The following ANO7 variants were observed in gnomAD, a reference collection of about 807,000 sequenced individuals.
ANO7 encodes the protein anoctamin-7.
Under a neutral mutation model 115.8 loss-of-function variants are expected in ANO7, and 114 were observed. That is an observed-to-expected ratio of 0.98 (90% CI 0.85 to 1.15). The LOEUF is 1.15. Ranked by LOEUF, ANO7 falls within the 50% of genes most tolerant of loss-of-function variation. The probability of loss-of-function intolerance (pLI) is 0.00; values close to 1 mark genes in which losing one functional copy is unlikely to be tolerated. For missense variants in ANO7, 1,302 were observed against 1,201.2 expected (o/e 1.08, Z -1.24); for synonymous variants, 550 against 498.2 (o/e 1.10, Z -1.38).
Position 241,190,160 on chromosome 2 carries a change from C to G in ANO7, c.97C>G (p.His33Asp), listed in dbSNP as rs370288925. Reference protein sequence around the residue: ...EKRGSYGSTAHASEPGGQQAA... With the variant: ...EKRGSYGSTADASEPGGQQAA... Reference sequence around the variant, plus strand: ...GAGGGGCTCTTACGGGAGCACAGCCCACGCCTCGGAGGTAACAGCACCCAG... The same window carrying G: ...GAGGGGCTCTTACGGGAGCACAGCCGACGCCTCGGAGGTAACAGCACCCAG... Residue 33 changes from histidine (H) to aspartate (D), a missense_variant, in exon 2 of 25, where the codon CAC becomes GAC. Coordinates refer to ENST00000674324, the MANE Select transcript of ANO7 (RefSeq NM_001370694.2). 1.3e-6 allele frequency: 2 copies of G among 1,563,222 alleles called. No homozygotes were observed. The highest frequency in any genetic ancestry group is 2.7e-5 in the African/African-American group (2 of 73,888).
At chr2:241,214,986 C>A in intron 18 of ANO7, 84 bp downstream of exon 18, 1 of 1,282,716 alleles carries the variant, frequency 7.8e-7, no homozygotes. Flanking sequence ...CAGCCCGGCC[C>A]TAGCTGGGAG....
Position 241,203,561 on chromosome 2 carries a change from C to G in ANO7, c.889+63C>G. 1 of 1,281,580 alleles carries G rather than the reference C, an allele frequency of 7.8e-7. No individual in the cohort carries two copies. Among genetic ancestry groups the G allele is most frequent in the African/African-American group, 1.6e-5 (1 of 64,256 alleles). 79.4% of individuals were successfully genotyped at this position (1,281,580 alleles called of 1,614,324 possible). ...CCCCCAGCTTGGTGTCAGGTTGTAA[C>G]AATTTGCCAGTCCGTACCCCTGGAG... On this transcript the variant is annotated intron_variant, in intron 9 of 24. Coordinates refer to ENST00000674324, the MANE Select transcript of ANO7 (RefSeq NM_001370694.2). This position sits in a 1 kb window ranked among gnomAD's most constrained non-coding sequence, Gnocchi z 4.8.
intron 17 of ANO7, among the ~76,000 whole-genome samples, chr2:241,214,105 T>C (rs1325112731): frequency 6.6e-6 from 1 of 152,028 alleles, no homozygotes; most frequent in African/African-American, 2.4e-5. Context: ...GCCAATATGG[T>C]GAAATCCCGT....
At position 241,209,626 on chromosome 2, in the gene ANO7, CGTG is replaced by C. The variant is rs750012208; in HGVS notation, c.1354_1356del (p.Val452del). On this transcript the variant is annotated inframe_deletion, in exon 13 of 25. Transcript: ENST00000674324. ...GCATGCTGGCCGGCTCTGTGGTGATCGTGGTGATGGTATGCGGTCCCCCTGCCC... is the reference window on the plus strand; with the variant it reads ...GCATGCTGGCCGGCTCTGTGGTGATCGTGATGGTATGCGGTCCCCCTGCCC... The C allele has an allele frequency of 1.3e-6, 2 of 1,562,998 alleles. No homozygotes were observed. The highest frequency in any genetic ancestry group is 2.4e-5 in the South Asian group (2 of 83,588).
At chr2:241,214,998 A>T (rs2068793643) in intron 18 of ANO7, 96 bp downstream of exon 18, 1 of 1,181,762 alleles carries the variant, frequency 8.5e-7, no homozygotes, top group Admixed American at 2.2e-5. Context: ...AGCTGGGAGA[A>T]GAGGTGAAGG....
In ANO7 at chr2:241,191,214, C is replaced by G. The variant is rs369964361; in HGVS notation, c.129C>G (p.Ala43=). The G allele has an allele frequency of 4.3e-6, 7 of 1,613,730 alleles. No individual in the cohort carries two copies. The highest frequency in any genetic ancestry group is 1.6e-4 in the Middle Eastern group (1 of 6,084). Residue 43 remains alanine (A), a synonymous_variant, in exon 3 of 25, where the codon GCC becomes GCG. Coordinates refer to ENST00000674324, the MANE Select transcript of ANO7 (RefSeq NM_001370694.2). ...HASEPGGQQA[A]ACRAGSPAKP... ...TCCAGCCAGGTGGACAGCAAGCGGCCGCCTGCAGAGCTGGGAGTCCTGCCA... is the reference window on the plus strand; with the variant it reads ...TCCAGCCAGGTGGACAGCAAGCGGCGGCCTGCAGAGCTGGGAGTCCTGCCA...
In ANO7 at chr2:241,216,169, C is replaced by A. The variant is rs766312615; in HGVS notation, c.1903C>A (p.Gln635Lys). Residue 635 changes from glutamine to lysine, a missense_variant, in exon 19 of 25, where the codon CAG becomes AAG. By Grantham distance (53) the Gln-to-Lys change is moderately conservative. Coordinates refer to ENST00000674324, the MANE Select transcript of ANO7 (RefSeq NM_001370694.2). The part of the protein sequence containing the change: ...RKAGASAGAS[Q>K]GPWEDDYELV... ...GGCGGGAGCTTCTGCAGGGGCTAGCCAGGGGCCCTGGGAGGACGACTATGA... is the reference window on the plus strand; with the variant it reads ...GGCGGGAGCTTCTGCAGGGGCTAGCAAGGGGCCCTGGGAGGACGACTATGA... 5 of 1,613,292 alleles carry A rather than the reference C, an allele frequency of 3.1e-6. No individual in the cohort carries two copies. Among genetic ancestry groups the A allele is most frequent in the Admixed American group, 1.7e-5 (1 of 59,976 alleles).
intron 21 of ANO7, 120 bp from the exon 22 acceptor site, chr2:241,223,066 C>T (rs1384827774): frequency 9.1e-6 from 8 of 875,794 alleles, no homozygotes; most frequent in South Asian, 6.2e-5. Flanking sequence ...AGAGCCAGGC[C>T]AGGAACATGG....
Position 241,210,551 on chromosome 2 carries a change from C to T in ANO7, c.1542C>T (p.Ala514=), listed in dbSNP as rs748537196. Residue 514 remains alanine, a synonymous_variant, in exon 15 of 25, where the codon GCC becomes GCT. Transcript: ENST00000674324. ...LILSKIYVSL[A]HVLTRWEMHR... ...TCTCCAAGATCTATGTATCCCTGGC[C>T]CACGTCCTGACACGATGGGGTGAGT... The T allele has an allele frequency of 6.2e-7, 1 of 1,613,854 alleles. No individual in the cohort carries two copies. Among genetic ancestry groups the T allele is most frequent in the Non-Finnish European group, 8.5e-7 (1 of 1,179,992 alleles).
chr2:241,208,573 G>A (rs2149208567), intron 11 of ANO7, among the ~76,000 whole-genome samples: 1 of 152,252 alleles, frequency 6.6e-6, no homozygotes, highest in East Asian at 1.9e-4. Context: ...ACATTCTGAG[G>A]TTCCCAACGA....
chr2:241,239,458 C>T, the ANO7 span: 21 of 633,362 alleles, frequency 3.3e-5, no homozygotes, highest in African/African-American at 1.7e-4. This position sits in a 1 kb window ranked among gnomAD's most constrained non-coding sequence, Gnocchi z 4.6. Flanking sequence ...GAAAGAAGAG[C>T]GAGCACCAGA....
At chr2:241,215,014 C>G in intron 18 of ANO7, 112 bp downstream of exon 18, 1 of 1,012,678 alleles carries the variant, frequency 9.9e-7, no homozygotes, top group Admixed American at 2.5e-5. Context: ...GAAGGGAAGG[C>G]ACCTTGCCTG....
the ANO7 span, chr2:241,235,058 C>T: frequency 6.3e-7 from 1 of 1,581,604 alleles, no homozygotes; most frequent in Non-Finnish European, 8.6e-7. Context: ...TCCCTAGATT[C>T]TGACATGTGC....
At position 241,203,464 on chromosome 2, in the gene ANO7, C is replaced by A. The variant is rs138851563; in HGVS notation, c.855C>A (p.Phe285Leu). 5.8e-6 allele frequency: 9 copies of A among 1,564,664 alleles called. No individual in the cohort carries two copies. The highest frequency in any genetic ancestry group is 2.5e-5 in the East Asian group (1 of 40,734). Residue 285 changes from phenylalanine to leucine, a missense_variant, in exon 9 of 25, where the codon TTC becomes TTA. Physicochemically the swap from Phe to Leu is conservative, Grantham distance 22. Coordinates refer to ENST00000674324, the MANE Select transcript of ANO7 (RefSeq NM_001370694.2). This position sits in a 1 kb window ranked among gnomAD's most constrained non-coding sequence, Gnocchi z 4.8. ...CCCTGGACCACGTGCGCAGGTACTT[C>A]GGGGAGAAGGTGGCCCTCTACTTCG... ...YQPLDHVRRYFGEKVALYFAW... is the reference protein window; with the variant it reads ...YQPLDHVRRYLGEKVALYFAW...
rs532473747 is a variant in ANO7, at chr2:241,215,209, C to T, written c.1826+307C>T. 7.9e-5 allele frequency among the ~76,000 whole-genome samples: 12 copies of T among 152,354 alleles called. No individual in the cohort carries two copies. In the South Asian group the frequency reaches 8.3e-4, roughly 11 times the overall value. ...CCAAGGCTGGGGTGATGGCTCTGTC[C>T]GTTCAGAGATGCTGCGGCTGGGCCA... On this transcript the variant is annotated intron_variant, in intron 18 of 24. Coordinates refer to ENST00000674324, the MANE Select transcript of ANO7 (RefSeq NM_001370694.2).
At chr2:241,229,526 G>A (rs990569933), downstream of ANO7, 33 of 1,093,064 alleles carry the variant, frequency 3.0e-5, no homozygotes, top group Non-Finnish European at 3.9e-5. Flanking sequence ...CCAGCCGCTG[G>A]GTCAGATTGA....
chr2:241,196,726 G>T (rs867161016), intron 4 of ANO7, among the ~76,000 whole-genome samples: 1 of 152,244 alleles, frequency 6.6e-6, no homozygotes, highest in Non-Finnish European at 1.5e-5. Context: ...TTGCCTTGCC[G>T]CAGGCAGCTC....
intron 19 of ANO7, among the ~76,000 whole-genome samples, chr2:241,217,134 G>GGCAGCTCTTAACCTAGCAA (rs2068850303): frequency 6.6e-6 from 1 of 152,228 alleles, no homozygotes; most frequent in African/African-American, 2.4e-5. Context: ...GTGCCCGGCA[G>GGCAGCTCTTAACCTAGCAA]GCAGCTCTTA....
At chr2:241,220,748 C>A (rs139882997) in intron 21 of ANO7, among the ~76,000 whole-genome samples, 4 of 152,132 alleles carry the variant, frequency 2.6e-5, no homozygotes, top group African/African-American at 9.7e-5. Context: ...TTCAGTGAGC[C>A]GAGATTGTGC....
Sources: gnomAD v4.1 joint callset for allele counts (sites outside exome capture counted in the v4.1 genomes callset) on GRCh38, gnomAD v4.1.1 for gene constraint, Gnocchi (gnomAD v3.1) non-coding constraint, MANE v1.5 for transcripts, NCBI Gene and HGNC (gene_info 2026-07-23, HGNC 2026-07-21) for gene names.